The following ATP2B3 variants were observed in gnomAD, a reference collection of about 807,000 sequenced individuals.
ATP2B3 encodes the protein plasma membrane calcium-transporting ATPase 3.
In ATP2B3, 12 loss-of-function variants were observed where a neutral mutation model predicts 70.8. That is an observed-to-expected ratio of 0.17 (90% CI 0.11 to 0.27). The LOEUF (loss-of-function observed/expected upper bound fraction) is 0.27. Among genes scored for constraint, ATP2B3 ranks in the 10% least tolerant of loss-of-function variants. ATP2B3 has a pLI of 1.00. For missense variants in ATP2B3, 858 were observed against 1,118.5 expected (o/e 0.77, Z 3.32); for synonymous variants, 460 against 497.8 (o/e 0.92, Z 1.01).
chrX:153,545,744 G>C lies in ATP2B3; in HGVS notation c.917-344G>C, dbSNP rs782045329. ...GGAGCCATCTAAGTGAACCCCTTGA[G>C]CTGGTTTGCAGGGAGCAGACGTCCC... On this transcript the variant is annotated intron_variant, in intron 7 of 21. Transcript: ENST00000263519. Among the ~76,000 whole-genome samples, 4 of 112,415 alleles carry C rather than the reference G, an allele frequency of 3.6e-5. No homozygotes were observed. In the Admixed American group the frequency reaches 3.7e-4, roughly 11 times the overall value.
chrX:153,530,407 G>T (rs1412466948), intron 2 of ATP2B3, among the ~76,000 whole-genome samples: 3 of 111,387 alleles, frequency 2.7e-5, no homozygotes, highest in African/African-American at 9.8e-5. Flanking sequence ...GGCCACCTAG[G>T]GGCCAGGAGT....
chrX:153,542,905 A>G, intron 6 of ATP2B3, 138 bp from the exon 7 acceptor site: 2 of 856,291 alleles, frequency 2.3e-6, no homozygotes, highest in East Asian at 6.7e-5. Context: ...CAAGCCAGGG[A>G]GGAGGCTTCA....
At chrX:153,567,132 G>T (rs1416430555) in intron 21 of ATP2B3, among the ~76,000 whole-genome samples, 1 of 113,054 alleles carries the variant, frequency 8.8e-6, no homozygotes, top group Non-Finnish European at 1.9e-5. Flanking sequence ...TGAGGAAGGG[G>T]AGCAGGCTTT....
chrX:153,574,907 C>A, intron 21 of ATP2B3: 1 of 327,657 alleles, frequency 3.1e-6, no homozygotes, highest in Non-Finnish European at 6.0e-6. Flanking sequence ...CAGTCTGCAG[C>A]GTCACCCGCC....
chrX:153,528,299 C>T (rs1338021837), intron 2 of ATP2B3, among the ~76,000 whole-genome samples: 1 of 112,415 alleles, frequency 8.9e-6, no homozygotes, highest in Non-Finnish European at 1.9e-5. Flanking sequence ...AGTAGGCTCT[C>T]TAACCACTCT....
At chrX:153,522,602 C>A (rs1825935031) in intron 2 of ATP2B3, among the ~76,000 whole-genome samples, 1 of 112,456 alleles carries the variant, frequency 8.9e-6, no homozygotes, top group Non-Finnish European at 1.9e-5. Context: ...AGACACCCCC[C>A]ACCAAGCCCA....
chrX:153,568,698 T>G (rs1484913963), intron 21 of ATP2B3, among the ~76,000 whole-genome samples: 4 of 112,055 alleles, frequency 3.6e-5, no homozygotes, highest in African/African-American at 1.3e-4. Flanking sequence ...AAGGCTGAAG[T>G]GGCGTACATC....
At chrX:153,519,118 T>C (rs1025450164) in intron 2 of ATP2B3, among the ~76,000 whole-genome samples, 3 of 112,263 alleles carry the variant, frequency 2.7e-5, no homozygotes, top group Admixed American at 1.9e-4. Flanking sequence ...GACTGGCTCT[T>C]CATTTGCACA....
chrX:153,564,791 T>C, intron 20 of ATP2B3, 130 bp from the exon 21 acceptor site: 1 of 711,786 alleles, frequency 1.4e-6, no homozygotes, highest in Non-Finnish European at 2.0e-6. Context: ...TTACTCCCTT[T>C]GCTTAGTCAC....
At position 153,581,737 on chromosome X, in the gene ATP2B3, G is replaced by A. The variant is rs962584666; in HGVS notation, c.*1439G>A. On this transcript the variant is annotated 3_prime_UTR_variant, in exon 22 of 22. Coordinates refer to ENST00000263519, the MANE Select transcript of ATP2B3 (RefSeq NM_001001344.3). The stretch of plus-strand genomic sequence containing the variant: ...CTTGATGTCTGCTGTGACATCAGAG[G>A]TGCCACCACCAAAGCACTCTTCCCA... 4 of 112,613 alleles carry A rather than the reference G, an allele frequency of 3.6e-5. No homozygotes were observed. The Admixed American group carries it at 3.7e-4, about 10-fold the overall frequency. The allele number at this position is 112,613 out of a possible 1,213,427, so 9.3% of individuals were successfully genotyped here. A position where few individuals can be genotyped will look rare whatever the true frequency, so the allele number is the denominator to read the frequency against.
chrX:153,565,222 C>T, intron 21 of ATP2B3, 119 bp downstream of exon 21: 1 of 927,734 alleles, frequency 1.1e-6, no homozygotes, highest in South Asian at 2.6e-5. Flanking sequence ...ACCCTTTGGT[C>T]TTGCTGCCAA....
intron 2 of ATP2B3, among the ~76,000 whole-genome samples, chrX:153,532,517 T>C (rs922947899): frequency 1.8e-5 from 2 of 111,646 alleles, no homozygotes; most frequent in African/African-American, 3.3e-5. Context: ...AGAAGGCGGT[T>C]GAGTAATGGG....
intron 13 of ATP2B3, among the ~76,000 whole-genome samples, chrX:153,554,330 C>T (rs1557012800): frequency 1.8e-5 from 2 of 113,112 alleles, no homozygotes; most frequent in East Asian, 2.8e-4. Context: ...GCTGGTGAGG[C>T]GAAGCAAGGC....
At chrX:153,569,823 G>C (rs1436383609) in intron 21 of ATP2B3, 15 of 1,137,347 alleles carry the variant, frequency 1.3e-5, no homozygotes, top group Non-Finnish European at 1.8e-5. Context: ...TCCCCAGCTC[G>C]GCCTTCTCTC....
intron 2 of ATP2B3, among the ~76,000 whole-genome samples, chrX:153,527,293 G>A (rs1005400795): frequency 1.8e-5 from 2 of 112,464 alleles, no homozygotes; most frequent in Non-Finnish European, 3.8e-5. Flanking sequence ...CGAGGTCTCC[G>A]TCCCTTTGTA....
intron 7 of ATP2B3, 136 bp downstream of exon 7, chrX:153,543,304 T>C: frequency 1.1e-6 from 1 of 911,261 alleles, no homozygotes; most frequent in Non-Finnish European, 1.5e-6. Flanking sequence ...GCCCTCTCTT[T>C]TGATTCTCCG....
At chrX:153,572,807 C>T (rs564112476) in intron 21 of ATP2B3, among the ~76,000 whole-genome samples, 1 of 111,853 alleles carries the variant, frequency 8.9e-6, no homozygotes, top group African/African-American at 3.3e-5. Flanking sequence ...GTCCATATTC[C>T]GGAGAGCTGG....
At chrX:153,536,956 G>A (rs1456288687) in intron 3 of ATP2B3, among the ~76,000 whole-genome samples, 3 of 112,291 alleles carry the variant, frequency 2.7e-5, no homozygotes, top group African/African-American at 9.7e-5. Flanking sequence ...ATTTGGGTCT[G>A]GCAGGAAGGG....
intron 21 of ATP2B3, among the ~76,000 whole-genome samples, chrX:153,578,356 C>T (rs1231605608): frequency 8.9e-6 from 1 of 112,779 alleles, no homozygotes; most frequent in Non-Finnish European, 1.9e-5. Flanking sequence ...CTCAGCGCTC[C>T]GTCTGCTGCC....
Sources: allele counts gnomAD v4.1 joint callset (sites outside exome capture counted in the v4.1 genomes callset), GRCh38; gene constraint gnomAD v4.1.1; transcripts MANE v1.5; gene names NCBI Gene and HGNC (gene_info 2026-07-23, HGNC 2026-07-21).